The following ENAH variants were observed in gnomAD, a reference collection of about 807,000 sequenced individuals.
ENAH encodes the protein ENAH actin regulator.
A neutral mutation model predicts 78.7 loss-of-function variants in ENAH; 23 were observed. The ratio of observed to expected loss-of-function variants is 0.29; its 90% CI spans 0.21 to 0.41. The LOEUF (loss-of-function observed/expected upper bound fraction) is 0.41. Among genes scored for constraint, ENAH ranks in the 10% least tolerant of loss-of-function variants. The pLI is 1.00. For synonymous variants in ENAH, 226 were observed against 241.0 expected (o/e 0.94, Z 0.58); for missense variants, 544 against 691.0 (o/e 0.79, Z 2.39).
intron 1 of ENAH, among the ~76,000 whole-genome samples, chr1:225,649,608 T>C (rs1341654982): frequency 6.6e-6 from 1 of 152,212 alleles, no homozygotes; most frequent in Non-Finnish European, 1.5e-5. Context: ...CTTTTTGGTC[T>C]CAACCTTTCC....
chr1:225,635,296 T>C (rs1439362676), intron 1 of ENAH, among the ~76,000 whole-genome samples: 2 of 152,182 alleles, frequency 1.3e-5, no homozygotes, highest in Non-Finnish European at 2.9e-5. Context: ...CCTCCCATCA[T>C]AGCCTCCCAA....
At chr1:225,651,041 G>C (rs937125411) in intron 1 of ENAH, among the ~76,000 whole-genome samples, 1 of 151,698 alleles carries the variant, frequency 6.6e-6, no homozygotes, top group African/African-American at 2.4e-5. Flanking sequence ...TATAGTTCCT[G>C]AGTTTAAGGA....
intron 3 of ENAH, among the ~76,000 whole-genome samples, chr1:225,546,563 T>C (rs974934325): frequency 5.3e-5 from 8 of 152,170 alleles, no homozygotes; most frequent in African/African-American, 1.9e-4. Flanking sequence ...GGAGAACTGA[T>C]ATTAGTTACT....
At chr1:225,552,063 G>A (rs1045602517) in intron 3 of ENAH, among the ~76,000 whole-genome samples, 1 of 151,966 alleles carries the variant, frequency 6.6e-6, no homozygotes, top group Admixed American at 6.6e-5. Flanking sequence ...TGTTGGGGTA[G>A]GGTACATACC....
At chr1:225,591,764 C>CCAA (rs2096877914) in intron 1 of ENAH, among the ~76,000 whole-genome samples, 1 of 39,514 alleles carries the variant, frequency 2.5e-5, no homozygotes, top group African/African-American at 6.6e-5. Context: ...GACTCCGTCT[C>CCAA]AAAAAAAAAA....
At chr1:225,540,866 T>C (rs1203894338) in intron 3 of ENAH, among the ~76,000 whole-genome samples, 1 of 152,164 alleles carries the variant, frequency 6.6e-6, no homozygotes. Flanking sequence ...GATACATAAA[T>C]ACATGTTTTT....
intron 3 of ENAH, among the ~76,000 whole-genome samples, chr1:225,541,409 C>T (rs1452499409): frequency 2.6e-5 from 4 of 151,698 alleles, no homozygotes; most frequent in East Asian, 1.9e-4. Context: ...TACTCCAGCC[C>T]GGGCGACAGA....
At chr1:225,599,465 G>A (rs1242849986) in intron 1 of ENAH, among the ~76,000 whole-genome samples, 4 of 152,134 alleles carry the variant, frequency 2.6e-5, no homozygotes, top group Non-Finnish European at 5.9e-5. Flanking sequence ...GTAAAGTGCT[G>A]TGACTTAAAT....
chr1:225,575,879 T>C (rs1238425910), intron 1 of ENAH, among the ~76,000 whole-genome samples: 2 of 152,226 alleles, frequency 1.3e-5, no homozygotes, highest in Admixed American at 1.3e-4. Flanking sequence ...AGTAAACATC[T>C]GTAAACTTGG....
intron 2 of ENAH, among the ~76,000 whole-genome samples, chr1:225,555,965 G>T (rs2096664436): frequency 1.3e-5 from 2 of 152,176 alleles, no homozygotes; most frequent in South Asian, 2.1e-4. Flanking sequence ...TTATATAAAT[G>T]GAGTTATACA....
At chr1:225,588,680 T>C (rs566746301) in intron 1 of ENAH, among the ~76,000 whole-genome samples, 1 of 151,948 alleles carries the variant, frequency 6.6e-6, no homozygotes, top group East Asian at 1.9e-4. Context: ...TGGTGGCGCA[T>C]GCCTGTAGTC....
At chr1:225,636,164 C>A (rs1660027380) in intron 1 of ENAH, among the ~76,000 whole-genome samples, 1 of 152,136 alleles carries the variant, frequency 6.6e-6, no homozygotes, top group Non-Finnish European at 1.5e-5. Flanking sequence ...GTGGAGGTCA[C>A]AAAAAATTAA....
intron 11 of ENAH, among the ~76,000 whole-genome samples, chr1:225,502,194 A>T (rs2096286148): frequency 2.6e-5 from 4 of 152,130 alleles, no homozygotes; most frequent in Admixed American, 2.6e-4. Context: ...ACACTGAGTT[A>T]ATCTGCTTTT....
At chr1:225,544,655 A>T (rs976239196) in intron 3 of ENAH, among the ~76,000 whole-genome samples, 6 of 152,238 alleles carry the variant, frequency 3.9e-5, no homozygotes, top group African/African-American at 1.4e-4. Flanking sequence ...ACAACGTAAG[A>T]CTAAAAGCTG....
intron 1 of ENAH, among the ~76,000 whole-genome samples, chr1:225,593,127 T>C (rs962050983): frequency 3.9e-5 from 6 of 151,934 alleles, no homozygotes; most frequent in Non-Finnish European, 7.4e-5. Context: ...CCAGAAAAGA[T>C]TGATAAGAGA....
intron 1 of ENAH, among the ~76,000 whole-genome samples, chr1:225,639,705 A>AACAC (rs374646635): frequency 0.071 from 9,833 of 138,520 alleles, 399 homozygotes; most frequent in Admixed American, 0.11. Context: ...GGCGGGATTA[A>AACAC]ACACACACAC....
intron 1 of ENAH, among the ~76,000 whole-genome samples, chr1:225,613,178 C>A (rs1474690918): frequency 6.6e-6 from 1 of 152,206 alleles, no homozygotes; most frequent in Non-Finnish European, 1.5e-5. Flanking sequence ...TCCCTGCTCT[C>A]CAATGACTGC....
chr1:225,532,288 T>C (rs1042373822), intron 3 of ENAH, among the ~76,000 whole-genome samples: 3 of 152,112 alleles, frequency 2.0e-5, no homozygotes, highest in African/African-American at 7.2e-5. Flanking sequence ...TTAGGGAATG[T>C]ACTTTATATA....
At chr1:225,573,675 T>G (rs967980244) in intron 1 of ENAH, among the ~76,000 whole-genome samples, 1 of 152,152 alleles carries the variant, frequency 6.6e-6, no homozygotes, top group Non-Finnish European at 1.5e-5. Context: ...ATGTTGCAAG[T>G]ACAGAAGAAA....
Sources: gnomAD v4.1 joint callset for allele counts (sites outside exome capture counted in the v4.1 genomes callset) on GRCh38, gnomAD v4.1.1 for gene constraint, MANE v1.5 for transcripts, NCBI Gene and HGNC (gene_info 2026-07-23, HGNC 2026-07-21) for gene names.